The following EPHA3 variants were observed in gnomAD, a reference collection of about 807,000 sequenced individuals.
The protein encoded by EPHA3 is ephrin type-A receptor 3.
EPHA3 carries 42 observed loss-of-function variants against 107.1 expected under a neutral mutation model. The ratio of observed to expected loss-of-function variants is 0.39; its 90% CI spans 0.31 to 0.51. The LOEUF is 0.51. Ranked by LOEUF, EPHA3 falls within the 20% of genes least tolerant of loss-of-function variation. The pLI, the probability that EPHA3 is intolerant of heterozygous loss-of-function variation, is 0.78. For synonymous variants in EPHA3, 461 were observed against 424.8 expected, an observed-to-expected ratio of 1.09 and a Z score of -1.05; for missense variants, 1,183 against 1,211.2, an observed-to-expected ratio of 0.98 and a Z score of 0.35.
chr3:89,215,606 A>G (rs780929532), intron 3 of EPHA3, among the ~76,000 whole-genome samples: 14 of 151,898 alleles, frequency 9.2e-5, no homozygotes, highest in African/African-American at 1.4e-4. Flanking sequence ...ATATCTAAGC[A>G]TTTGAATACC....
intron 5 of EPHA3, among the ~76,000 whole-genome samples, chr3:89,373,681 G>T (rs1708349110): frequency 6.6e-6 from 1 of 151,724 alleles, no homozygotes; most frequent in Non-Finnish European, 1.5e-5. Context: ...ATCTGCCTCT[G>T]TCTCTGACTC....
chr3:89,361,730 T>C (rs1708095334), intron 5 of EPHA3, among the ~76,000 whole-genome samples: 1 of 151,016 alleles, frequency 6.6e-6, no homozygotes, highest in African/African-American at 2.4e-5. Flanking sequence ...CTCTCCTCTA[T>C]GCCCATTCTC....
chr3:89,273,384 A>T (rs1705726269), intron 3 of EPHA3, among the ~76,000 whole-genome samples: 1 of 151,882 alleles, frequency 6.6e-6, no homozygotes, highest in Non-Finnish European at 1.5e-5. Context: ...TTTATACCTT[A>T]GTTTAAACTT....
chr3:89,222,345 ATATATATATG>A (rs927843403), intron 3 of EPHA3, among the ~76,000 whole-genome samples: 23 of 146,940 alleles, frequency 1.6e-4, no homozygotes, highest in East Asian at 9.8e-4. Context: ...ATATATATAT[ATATATATATG>A]TATATGTATA....
chr3:89,446,165 G>A (rs141494689), intron 13 of EPHA3, among the ~76,000 whole-genome samples: 1 of 152,142 alleles, frequency 6.6e-6, no homozygotes, highest in Non-Finnish European at 1.5e-5. Flanking sequence ...ACATGTAATT[G>A]GGAAATATTC....
chr3:89,116,719 TAA>T (rs140739470), intron 1 of EPHA3, among the ~76,000 whole-genome samples: 14,599 of 132,234 alleles, frequency 0.11, 793 homozygotes, highest in South Asian at 0.15. Flanking sequence ...ACTGTAACAT[TAA>T]AAAAAAAAAA....
At chr3:89,383,577 C>T (rs1208088448) in intron 5 of EPHA3, among the ~76,000 whole-genome samples, 1 of 149,800 alleles carries the variant, frequency 6.7e-6, no homozygotes, top group Non-Finnish European at 1.5e-5. Context: ...CTCAGCAGTG[C>T]TTTAAGACAA....
At chr3:89,259,433 A>T (rs979937867) in intron 3 of EPHA3, among the ~76,000 whole-genome samples, 3 of 152,244 alleles carry the variant, frequency 2.0e-5, no homozygotes, top group Non-Finnish European at 4.4e-5. Context: ...TGCTTGGAAC[A>T]TGCTAGGCGT....
chr3:89,134,620 T>A (rs1039711499), intron 2 of EPHA3, among the ~76,000 whole-genome samples: 1 of 152,180 alleles, frequency 6.6e-6, no homozygotes, highest in African/African-American at 2.4e-5. Context: ...TCTATCATTG[T>A]TCGACATTTG....
Position 89,342,042 on chromosome 3 carries a change from T to A in EPHA3, c.1258T>A (p.Ser420Thr), listed in dbSNP as rs2107421217. 1 of 1,611,192 alleles carries A rather than the reference T, an allele frequency of 6.2e-7. No homozygotes were observed. Among genetic ancestry groups the A allele is most frequent in the Non-Finnish European group, 8.5e-7 (1 of 1,179,420 alleles). Reference sequence around the variant, plus strand: ...CGTTAATGGGGTGTCAGAGCTGAGCTCCCCACCAAGACAGTTTGCTGCGGT... The same window carrying A: ...CGTTAATGGGGTGTCAGAGCTGAGCACCCCACCAAGACAGTTTGCTGCGGT... Reference protein sequence around the residue: ...DAVNGVSELSSPPRQFAAVSI... With the variant: ...DAVNGVSELSTPPRQFAAVSI... The change falls in exon 5 of 17, where the codon TCC becomes ACC. Residue 420 changes from serine (S) to threonine (T), a missense_variant. Coordinates refer to ENST00000336596, the MANE Select transcript of EPHA3 (RefSeq NM_005233.6).
intron 10 of EPHA3, among the ~76,000 whole-genome samples, chr3:89,417,785 G>T (rs1160704072): frequency 1.3e-5 from 2 of 151,350 alleles, no homozygotes; most frequent in Non-Finnish European, 3.0e-5. Flanking sequence ...ATCTATCTCT[G>T]TGTGTTTTAT....
At position 89,130,698 on chromosome 3, in the gene EPHA3, G is replaced by C. The variant is rs551369624; in HGVS notation, c.153+3425G>C. On this transcript the variant is annotated intron_variant, in intron 2 of 16. Coordinates refer to ENST00000336596, the MANE Select transcript of EPHA3 (RefSeq NM_005233.6). ...CACCCAGGCTGGAGCGCTGTGGCGC[G>C]ATCTCGGCTCACTGCAAGCTCCGCC... Among the ~76,000 whole-genome samples the C allele has an allele frequency of 1.0e-3, 155 of 150,246 alleles. 1 individual carries two copies. Among genetic ancestry groups the C allele is most frequent in the Middle Eastern group, 7.0e-3 (2 of 284 alleles).
At chr3:89,454,971 T>G (rs1478179640) in intron 15 of EPHA3, among the ~76,000 whole-genome samples, 1 of 152,094 alleles carries the variant, frequency 6.6e-6, no homozygotes, top group Non-Finnish European at 1.5e-5. Flanking sequence ...TCAGCCTGGG[T>G]GACAGAGCAA....
intron 3 of EPHA3, among the ~76,000 whole-genome samples, chr3:89,254,091 C>A (rs1006576137): frequency 6.6e-6 from 1 of 152,034 alleles, no homozygotes; most frequent in Admixed American, 6.5e-5. Context: ...ATTTTCACTG[C>A]CCTTTCAGCC....
At chr3:89,281,183 C>T (rs1187084098) in intron 3 of EPHA3, among the ~76,000 whole-genome samples, 1 of 152,012 alleles carries the variant, frequency 6.6e-6, no homozygotes, top group African/African-American at 2.4e-5. Flanking sequence ...GCCGCCACGC[C>T]CGGCTAATTT....
chr3:89,404,027 T>C (rs909589664), intron 7 of EPHA3, among the ~76,000 whole-genome samples: 9 of 152,106 alleles, frequency 5.9e-5, no homozygotes, highest in African/African-American at 1.9e-4. Flanking sequence ...GAGGATTTCA[T>C]TGGATATTAT....
At chr3:89,377,879 G>A (rs1056762669) in intron 5 of EPHA3, among the ~76,000 whole-genome samples, 14 of 151,980 alleles carry the variant, frequency 9.2e-5, no homozygotes, top group African/African-American at 3.1e-4. Flanking sequence ...AAAAAAATAT[G>A]GAACACATAG....
At chr3:89,359,799 A>G (rs1169195654) in intron 5 of EPHA3, among the ~76,000 whole-genome samples, 10 of 145,272 alleles carry the variant, frequency 6.9e-5, no homozygotes, top group Admixed American at 6.4e-4. Flanking sequence ...ATACATATAT[A>G]CACATATATA....
chr3:89,152,640 C>T (rs1021545794), intron 2 of EPHA3, among the ~76,000 whole-genome samples: 27 of 151,982 alleles, frequency 1.8e-4, no homozygotes, highest in Non-Finnish European at 3.2e-4. Context: ...TTAAAAAGAA[C>T]GTGCTTACAT....
Sources: gnomAD v4.1 joint callset for allele counts (sites outside exome capture counted in the v4.1 genomes callset) on GRCh38, gnomAD v4.1.1 for gene constraint, MANE v1.5 for transcripts, NCBI Gene and HGNC (gene_info 2026-07-23, HGNC 2026-07-21) for gene names.